The following FLVCR1 variants were observed in gnomAD, a reference collection of about 807,000 sequenced individuals.
FLVCR1 encodes choline/ethanolamine transporter FLVCR1.
In FLVCR1, 34 loss-of-function variants were observed where a neutral mutation model predicts 53.6. The ratio of observed to expected loss-of-function variants is 0.63; its 90% CI spans 0.48 to 0.84. The LOEUF is 0.84. Ranked by LOEUF, FLVCR1 falls within the 40% of genes least tolerant of loss-of-function variation. The pLI, the probability that FLVCR1 is intolerant of heterozygous loss-of-function variation, is 0.00. For missense variants in FLVCR1, 677 were observed against 696.7 expected, an observed-to-expected ratio of 0.97 and a Z score of 0.32; for synonymous variants, 300 against 286.3, an observed-to-expected ratio of 1.05 and a Z score of -0.48.
chr1:212,888,717 C>A, intron 7 of FLVCR1, 123 bp downstream of exon 7: 2 of 788,860 alleles, frequency 2.5e-6, no homozygotes, highest in Non-Finnish European at 4.3e-6. Flanking sequence ...CAGAGTCTTG[C>A]TCAGCCATCC....
chr1:212,862,302 A>C (rs530063701), intron 1 of FLVCR1, among the ~76,000 whole-genome samples: 1 of 152,174 alleles, frequency 6.6e-6, no homozygotes, highest in Non-Finnish European at 1.5e-5. Context: ...AAGAAGGCCC[A>C]ATACCTACTA....
intron 3 of FLVCR1, among the ~76,000 whole-genome samples, chr1:212,880,648 A>C (rs972893797): frequency 1.3e-5 from 2 of 152,130 alleles, no homozygotes; most frequent in Non-Finnish European, 2.9e-5. Flanking sequence ...AAATACAAAA[A>C]TTAGCCAGGT....
At chr1:212,863,418 C>A (rs576994645) in intron 1 of FLVCR1, among the ~76,000 whole-genome samples, 1 of 151,974 alleles carries the variant, frequency 6.6e-6, no homozygotes, top group East Asian at 1.9e-4. Flanking sequence ...GGTGAAACCC[C>A]GTCTGTACTA....
chr1:212,887,250 T>C (rs1665085636), intron 5 of FLVCR1, among the ~76,000 whole-genome samples: 1 of 152,220 alleles, frequency 6.6e-6, no homozygotes, highest in South Asian at 2.1e-4. Context: ...TTATATTTCT[T>C]AAGTCTTTCA....
chr1:212,887,118 C>T (rs1010636100), intron 5 of FLVCR1, among the ~76,000 whole-genome samples: 2 of 152,204 alleles, frequency 1.3e-5, no homozygotes, highest in Non-Finnish European at 2.9e-5. Flanking sequence ...TATCTCTAAT[C>T]TTGAAATTCT....
intron 5 of FLVCR1, among the ~76,000 whole-genome samples, chr1:212,887,142 T>C (rs1665084491): frequency 6.6e-6 from 1 of 152,230 alleles, no homozygotes; most frequent in South Asian, 2.1e-4. Flanking sequence ...TATTCTTCCA[T>C]AATTTAAGAC....
chr1:212,879,622 C>G (rs1427664021), intron 3 of FLVCR1, among the ~76,000 whole-genome samples: 1 of 152,112 alleles, frequency 6.6e-6, no homozygotes, highest in Non-Finnish European at 1.5e-5. Flanking sequence ...GTGGTGTGAT[C>G]TCTGCTCACT....
intron 8 of FLVCR1, among the ~76,000 whole-genome samples, chr1:212,891,599 A>G (rs1191952661): frequency 6.6e-6 from 1 of 152,230 alleles, no homozygotes; most frequent in African/African-American, 2.4e-5. Context: ...TTAGTTTTAC[A>G]TTGATGCTTT....
rs1447369625 is a variant in FLVCR1, at chr1:212,897,873, A to G, written c.*2583A>G. 1 of 152,222 alleles carries G rather than the reference A, an allele frequency of 6.6e-6. No individual in the cohort carries two copies. Among genetic ancestry groups the G allele is most frequent in the African/African-American group, 2.4e-5 (1 of 41,452 alleles). 9.4% of individuals were successfully genotyped at this position (152,222 alleles called of 1,614,324 possible). On this transcript the variant is annotated 3_prime_UTR_variant, in exon 10 of 10. Transcript: ENST00000366971. ...ATTGGGGATTACATTTCAATGTGAGATTGGAGGGACAAGTATCCCAACTAT... is the reference window on the plus strand; with the variant it reads ...ATTGGGGATTACATTTCAATGTGAGGTTGGAGGGACAAGTATCCCAACTAT...
At chr1:212,881,495 C>T (rs1200033512) in intron 3 of FLVCR1, among the ~76,000 whole-genome samples, 3 of 151,876 alleles carry the variant, frequency 2.0e-5, no homozygotes, top group South Asian at 2.1e-4. Context: ...CACACCACTG[C>T]GCCTGGCTAA....
intron 2 of FLVCR1, among the ~76,000 whole-genome samples, chr1:212,868,663 C>T (rs1320686481): frequency 6.6e-6 from 1 of 151,378 alleles, no homozygotes; most frequent in Non-Finnish European, 1.5e-5. Flanking sequence ...CTTGTCTCGG[C>T]CTCCCAAAGT....
At chr1:212,895,097 G>A (rs951629284) in intron 9 of FLVCR1, 44 bp downstream of exon 9, 5 of 1,369,408 alleles carry the variant, frequency 3.7e-6, no homozygotes, top group Non-Finnish European at 3.1e-6. Context: ...AGTATGTATA[G>A]AATAAATGTG....
At chr1:212,893,839 C>A (rs1425256362) in intron 8 of FLVCR1, among the ~76,000 whole-genome samples, 1 of 152,080 alleles carries the variant, frequency 6.6e-6, no homozygotes, top group African/African-American at 2.4e-5. Context: ...GGAATGGCGC[C>A]ATCTGGGCTC....
intron 3 of FLVCR1, among the ~76,000 whole-genome samples, chr1:212,874,402 T>G (rs1274686601): frequency 2.0e-5 from 3 of 152,242 alleles, no homozygotes; most frequent in Admixed American, 1.3e-4. Context: ...TTAATTTTGC[T>G]GGTTATCTCC....
At chr1:212,868,615 G>C (rs989862975) in intron 2 of FLVCR1, among the ~76,000 whole-genome samples, 2 of 151,562 alleles carry the variant, frequency 1.3e-5, no homozygotes, top group Admixed American at 6.6e-5. Flanking sequence ...CTCCATGTTG[G>C]TCAGGCTGGA....
At chr1:212,874,852 TCAC>T (rs1558114091) in intron 3 of FLVCR1, among the ~76,000 whole-genome samples, 12 of 151,730 alleles carry the variant, frequency 7.9e-5, no homozygotes, top group African/African-American at 2.9e-4. Flanking sequence ...CACTCTTTTA[TCAC>T]TCACTTTCCC....
chr1:212,872,714 C>T lies in FLVCR1; in HGVS notation c.920C>T (p.Ala307Val). ...AAACCTCGGTATCCACCAAGTCAGGCTCAAGCAGCTCTTCAAGACAGTCCC... is the reference window on the plus strand; with the variant it reads ...AAACCTCGGTATCCACCAAGTCAGGTTCAAGCAGCTCTTCAAGACAGTCCC... The part of the protein sequence containing the change: ...KEKPRYPPSQ[A>V]QAALQDSPPE... The change falls in exon 3 of 10, where the codon GCT becomes GTT. Residue 307 changes from alanine to valine, a missense_variant. By Grantham distance (64) the Ala-to-Val change is moderately conservative. Transcript: ENST00000366971. The T allele has an allele frequency of 1.2e-6, 2 of 1,613,686 alleles. No homozygotes were observed. The highest frequency in any genetic ancestry group is 1.7e-6 in the Non-Finnish European group (2 of 1,179,782).
At chr1:212,887,278 A>G (rs931332902) in intron 5 of FLVCR1, among the ~76,000 whole-genome samples, 9 of 152,216 alleles carry the variant, frequency 5.9e-5, no homozygotes, top group African/African-American at 1.9e-4. Context: ...TACATTTAGA[A>G]AACTTGATAG....
intron 8 of FLVCR1, among the ~76,000 whole-genome samples, chr1:212,893,514 G>C (rs1351910187): frequency 1.3e-5 from 2 of 152,162 alleles, no homozygotes; most frequent in African/African-American, 2.4e-5. Context: ...CTCCTGTTTT[G>C]AGGAAGTTTT....
Sources: gnomAD v4.1 joint callset for allele counts (sites outside exome capture counted in the v4.1 genomes callset) on GRCh38, gnomAD v4.1.1 for gene constraint, MANE v1.5 for transcripts, NCBI Gene and HGNC (gene_info 2026-07-23, HGNC 2026-07-21) for gene names.